The following SYN3 variants were observed in gnomAD, a reference collection of about 807,000 sequenced individuals.
The protein encoded by SYN3 is synapsin III.
A neutral mutation model predicts 65.8 loss-of-function variants in SYN3; 35 were observed. The observed-to-expected ratio is 0.53, with a 90% CI of 0.41 to 0.70. SYN3 has a LOEUF of 0.70. SYN3 is among the 30% of genes least tolerant of loss of function. The probability of loss-of-function intolerance (pLI) is 0.00; values close to 1 mark genes in which losing one functional copy is unlikely to be tolerated. For missense variants in SYN3, 680 were observed against 749.0 expected (o/e 0.91, Z 1.08); for synonymous variants, 270 against 292.9 (o/e 0.92, Z 0.80).
intron 6 of SYN3, among the ~76,000 whole-genome samples, chr22:32,769,539 T>C (rs2045715003): frequency 6.8e-6 from 1 of 147,066 alleles, no homozygotes; most frequent in Non-Finnish European, 1.5e-5. Context: ...TTTTGGAGAC[T>C]GAGTTTTGCT....
At chr22:33,023,892 T>C (rs2053598435) in intron 1 of SYN3, among the ~76,000 whole-genome samples, 1 of 152,252 alleles carries the variant, frequency 6.6e-6, no homozygotes, top group African/African-American at 2.4e-5. Flanking sequence ...ATATGTATTC[T>C]AGTCTATCTC....
At chr22:33,052,721 TA>T (rs1321745611) in intron 1 of SYN3, among the ~76,000 whole-genome samples, 4 of 152,194 alleles carry the variant, frequency 2.6e-5, no homozygotes, top group African/African-American at 9.6e-5. Flanking sequence ...CCAAAGACAT[TA>T]CATCATCGGT....
At chr22:32,836,252 C>A (rs1346833611) in intron 6 of SYN3, among the ~76,000 whole-genome samples, 1 of 152,168 alleles carries the variant, frequency 6.6e-6, no homozygotes, top group Admixed American at 6.5e-5. Context: ...TGACACAATG[C>A]CTGGCACATA....
At chr22:32,968,800 G>A (rs1040290706) in intron 3 of SYN3, among the ~76,000 whole-genome samples, 1 of 152,112 alleles carries the variant, frequency 6.6e-6, no homozygotes, top group Non-Finnish European at 1.5e-5. Context: ...GATCCTCGTC[G>A]CAACACATTT....
At chr22:32,520,774 T>A (rs977261211) in intron 12 of SYN3, among the ~76,000 whole-genome samples, 3 of 152,256 alleles carry the variant, frequency 2.0e-5, no homozygotes, top group Admixed American at 6.5e-5. Context: ...CTCCATGACC[T>A]GTGGAGTCTG....
chr22:32,728,716 A>C (rs1414151418), intron 6 of SYN3, among the ~76,000 whole-genome samples: 2 of 152,224 alleles, frequency 1.3e-5, no homozygotes, highest in Admixed American at 1.3e-4. Flanking sequence ...AGGGAAACTG[A>C]GACTCAGTCT....
chr22:32,579,529 C>T (rs2058904560), intron 7 of SYN3, among the ~76,000 whole-genome samples: 1 of 152,196 alleles, frequency 6.6e-6, no homozygotes, highest in Non-Finnish European at 1.5e-5. Flanking sequence ...AGAGGAACCA[C>T]CTCTTAATAC....
intron 6 of SYN3, among the ~76,000 whole-genome samples, chr22:32,657,800 G>A (rs7364159): frequency 0.11 from 16,303 of 152,228 alleles, 2,490 homozygotes; most frequent in African/African-American, 0.34. Flanking sequence ...CAACCAAAGT[G>A]CAGACCTACA....
chr22:33,030,042 C>T lies in SYN3; in HGVS notation c.-162-23218G>A, dbSNP rs117209537. Among the ~76,000 whole-genome samples the T allele has an allele frequency of 2.6e-3, 396 of 152,266 alleles. 17 individuals are homozygous for T. In the East Asian group the frequency reaches 0.069, roughly 26 times the overall value. Reference sequence around the variant, plus strand: ...ACCTCCTCTAGGAAGGCTTCCCTGACGTGAGGTGGTCTGTGTTCCTGAAGT... The same window carrying T: ...ACCTCCTCTAGGAAGGCTTCCCTGATGTGAGGTGGTCTGTGTTCCTGAAGT... On this transcript the variant is annotated intron_variant, in intron 1 of 13. Transcript: ENST00000358763.
chr22:32,770,770 A>G (rs1011726910), intron 6 of SYN3, among the ~76,000 whole-genome samples: 1 of 151,160 alleles, frequency 6.6e-6, no homozygotes, highest in Admixed American at 6.6e-5. Context: ...TAAGGTAACT[A>G]TAGCAAGAGC....
At chr22:32,669,887 G>C (rs1373361517) in intron 6 of SYN3, among the ~76,000 whole-genome samples, 1 of 152,128 alleles carries the variant, frequency 6.6e-6, no homozygotes, top group African/African-American at 2.4e-5. Flanking sequence ...TGGCAGGATA[G>C]GGCAGCCATC....
At chr22:32,871,090 C>T (rs2048838078) in intron 4 of SYN3, among the ~76,000 whole-genome samples, 1 of 152,228 alleles carries the variant, frequency 6.6e-6, no homozygotes, top group African/African-American at 2.4e-5. Context: ...TGGCAGCAAA[C>T]GTGGTGTCTT....
chr22:32,704,126 G>A (rs1461394396), intron 6 of SYN3, among the ~76,000 whole-genome samples: 2 of 152,030 alleles, frequency 1.3e-5, no homozygotes, highest in South Asian at 2.1e-4. Context: ...AGGTATACTC[G>A]TGTCACAGGG....
At chr22:33,044,523 C>T (rs915237106) in intron 1 of SYN3, among the ~76,000 whole-genome samples, 2 of 152,058 alleles carry the variant, frequency 1.3e-5, no homozygotes, top group Admixed American at 1.3e-4. Context: ...GATCAATCCT[C>T]ATCACCTCAC....
Position 33,008,962 on chromosome 22 carries a change from A to G in SYN3, c.-162-2138T>C, listed in dbSNP as rs56385757. Among the ~76,000 whole-genome samples the G allele has an allele frequency of 2.1e-3, 209 of 99,480 alleles. 2 individuals carry two copies. The highest frequency in any genetic ancestry group is 5.9e-3 in the East Asian group (12 of 2,042). 65.3% of individuals were successfully genotyped at this position (99,480 alleles called of 152,430 possible). A position where few individuals can be genotyped will look rare whatever the true frequency, so the allele number is the denominator to read the frequency against. On this transcript the variant is annotated intron_variant, in intron 1 of 13. Coordinates refer to ENST00000358763, the MANE Select transcript of SYN3 (RefSeq NM_003490.4). ...AAAAAAAAAAAAAAAAAAAAAAAAA[A>G]AGAGAGAGAGAGAAAAGAAAAAGAA...
intron 5 of SYN3, among the ~76,000 whole-genome samples, chr22:32,867,991 G>T (rs2048733861): frequency 1.3e-5 from 2 of 152,302 alleles, no homozygotes; most frequent in South Asian, 4.1e-4. Context: ...TTAAATGTTG[G>T]GTGTTGGAGA....
intron 6 of SYN3, among the ~76,000 whole-genome samples, chr22:32,765,186 G>A (rs1048711469): frequency 2.0e-5 from 3 of 152,146 alleles, no homozygotes; most frequent in Non-Finnish European, 4.4e-5. Context: ...GGGTCACTCA[G>A]AACAAGCCAG....
rs199795594 is a variant in SYN3 at position 32,658,882 on chromosome 22, T to A, written c.712-62146A>T. Among the ~76,000 whole-genome samples the A allele has an allele frequency of 8.5e-5, 13 of 152,318 alleles. No homozygotes were observed. In the East Asian group the frequency reaches 2.3e-3, roughly 27 times the overall value. On this transcript the variant is annotated intron_variant, in intron 6 of 13. Coordinates refer to ENST00000358763, the MANE Select transcript of SYN3 (RefSeq NM_003490.4). ...TGAGGAAGCATGTTATATGTAGCGATAATAACAGGAATGATTGCTAACATA... is the reference window on the plus strand; with the variant it reads ...TGAGGAAGCATGTTATATGTAGCGAAAATAACAGGAATGATTGCTAACATA...
chr22:32,831,341 G>A (rs904179521), intron 6 of SYN3, among the ~76,000 whole-genome samples: 1 of 152,204 alleles, frequency 6.6e-6, no homozygotes, highest in Non-Finnish European at 1.5e-5. Flanking sequence ...GAGAAGAGGT[G>A]AATTGTTTAA....
Sources: allele counts gnomAD v4.1 joint callset (sites outside exome capture counted in the v4.1 genomes callset), GRCh38; gene constraint gnomAD v4.1.1; transcripts MANE v1.5; gene names NCBI Gene and HGNC (gene_info 2026-07-23, HGNC 2026-07-21).